The following CDYL2 variants were observed in gnomAD, a reference collection of about 807,000 sequenced individuals.
CDYL2 encodes chromodomain Y-like protein 2.
A neutral mutation model predicts 49.4 loss-of-function variants in CDYL2; 23 were observed. That is an observed-to-expected ratio of 0.47 (90% CI 0.34 to 0.66). The LOEUF (loss-of-function observed/expected upper bound fraction) is 0.66, where lower values mean the gene tolerates loss of function less well. Among genes scored for constraint, CDYL2 ranks in the 30% least tolerant of loss-of-function variants. CDYL2 has a pLI of 0.01. For synonymous variants in CDYL2, 360 were observed against 268.8 expected (o/e 1.34, Z -3.32); for missense variants, 678 against 656.4 (o/e 1.03, Z -0.36).
intron 1 of CDYL2, among the ~76,000 whole-genome samples, chr16:80,716,058 G>C (rs183370539): frequency 6.6e-6 from 1 of 152,170 alleles, no homozygotes; most frequent in Non-Finnish European, 1.5e-5. Flanking sequence ...CTCCTTCATG[G>C]GATCATTATA....
At chr16:80,803,355 C>T (rs1267087663) in intron 1 of CDYL2, among the ~76,000 whole-genome samples, 2 of 152,154 alleles carry the variant, frequency 1.3e-5, no homozygotes, top group African/African-American at 2.4e-5. Flanking sequence ...GAGTACTGGG[C>T]GCTGGGCTGG....
At chr16:80,642,559 C>T (rs1004080289) in intron 2 of CDYL2, among the ~76,000 whole-genome samples, 9 of 152,036 alleles carry the variant, frequency 5.9e-5, no homozygotes, top group South Asian at 2.1e-4. Flanking sequence ...TGAATTAGTC[C>T]GTTTTCACGC....
intron 2 of CDYL2, among the ~76,000 whole-genome samples, chr16:80,681,470 G>C (rs1194587996): frequency 6.6e-6 from 1 of 152,156 alleles, no homozygotes; most frequent in Non-Finnish European, 1.5e-5. Context: ...CTACACCTCT[G>C]GCCTGTTGCT....
chr16:80,731,808 C>A (rs574508829), intron 1 of CDYL2, among the ~76,000 whole-genome samples: 5 of 152,112 alleles, frequency 3.3e-5, no homozygotes, highest in Admixed American at 3.3e-4. Context: ...AACTTTCCAT[C>A]TAACTCTCTG....
chr16:80,659,936 G>C (rs1383389442), intron 2 of CDYL2, among the ~76,000 whole-genome samples: 1 of 151,694 alleles, frequency 6.6e-6, no homozygotes, highest in Non-Finnish European at 1.5e-5. Context: ...GAATTCCATG[G>C]GTAAAGAGTT....
chr16:80,793,599 G>A (rs984865060), intron 1 of CDYL2, among the ~76,000 whole-genome samples: 4 of 152,174 alleles, frequency 2.6e-5, no homozygotes, highest in African/African-American at 9.7e-5. Flanking sequence ...GTCCAGCAAA[G>A]TGCCACAAGC....
At chr16:80,661,240 A>T (rs1455662635) in intron 2 of CDYL2, among the ~76,000 whole-genome samples, 6 of 152,138 alleles carry the variant, frequency 3.9e-5, no homozygotes, top group Admixed American at 3.9e-4. Context: ...GGGATACATT[A>T]TCCATTCTGG....
chr16:80,791,385 A>T (rs1251271425), intron 1 of CDYL2, among the ~76,000 whole-genome samples: 1 of 152,242 alleles, frequency 6.6e-6, no homozygotes, highest in African/African-American at 2.4e-5. Flanking sequence ...TGAGTCTTGC[A>T]CTGTGCTAGG....
intron 1 of CDYL2, among the ~76,000 whole-genome samples, chr16:80,700,060 C>T (rs2142498939): frequency 6.6e-6 from 1 of 152,208 alleles, no homozygotes; most frequent in East Asian, 1.9e-4. Context: ...GGGGTTTCAC[C>T]ATGTTAGCCA....
intron 4 of CDYL2, among the ~76,000 whole-genome samples, chr16:80,620,394 C>T (rs1332205751): frequency 6.6e-6 from 1 of 152,182 alleles, no homozygotes; most frequent in Non-Finnish European, 1.5e-5. Context: ...AGACTCTCCC[C>T]ATCAGGCAAG....
chr16:80,609,705 C>T lies in CDYL2; in HGVS notation c.1219-1470G>A, dbSNP rs1017052559. Among the ~76,000 whole-genome samples the T allele has an allele frequency of 5.3e-5, 8 of 152,246 alleles. 1 individual carries two copies. The South Asian group carries it at 1.2e-3, about 24-fold the overall frequency. ...TTACAAGGCGAGGCCCCCATTCATA[C>T]GGAAAGGCTCCTGGCCACCCCTCAG... On this transcript the variant is annotated intron_variant, in intron 5 of 6. Coordinates refer to ENST00000570137, the MANE Select transcript of CDYL2 (RefSeq NM_152342.4).
intron 1 of CDYL2, among the ~76,000 whole-genome samples, chr16:80,728,687 C>G (rs1246497105): frequency 6.6e-6 from 1 of 152,078 alleles, no homozygotes; most frequent in African/African-American, 2.4e-5. Context: ...ATGTTAAGGG[C>G]AGCCAGAGAG....
At chr16:80,715,216 C>T (rs1345000360) in intron 1 of CDYL2, among the ~76,000 whole-genome samples, 1 of 152,102 alleles carries the variant, frequency 6.6e-6, no homozygotes, top group Non-Finnish European at 1.5e-5. Flanking sequence ...GTGTCTGGCT[C>T]AGGCACTGAC....
At chr16:80,773,268 G>T (rs1336221278) in intron 1 of CDYL2, among the ~76,000 whole-genome samples, 1 of 152,050 alleles carries the variant, frequency 6.6e-6, no homozygotes, top group Non-Finnish European at 1.5e-5. Flanking sequence ...TTATAATTGT[G>T]TATGCACTTA....
At chr16:80,708,267 G>A (rs950239836) in intron 1 of CDYL2, among the ~76,000 whole-genome samples, 3 of 152,214 alleles carry the variant, frequency 2.0e-5, no homozygotes, top group Non-Finnish European at 4.4e-5. Flanking sequence ...GCCAGGTGGA[G>A]ATAACTGAAT....
chr16:80,665,956 A>G (rs1214757434), intron 2 of CDYL2, among the ~76,000 whole-genome samples: 1 of 152,182 alleles, frequency 6.6e-6, no homozygotes, highest in East Asian at 1.9e-4. Context: ...TCCTAGGATC[A>G]ATGAAAAAAC....
intron 1 of CDYL2, among the ~76,000 whole-genome samples, chr16:80,803,565 G>C (rs1289075966): frequency 1.3e-5 from 2 of 151,342 alleles, no homozygotes; most frequent in South Asian, 2.1e-4. Flanking sequence ...CCGGGGAGCG[G>C]TTTGGCGGTT....
chr16:80,730,194 T>C (rs148244244), intron 1 of CDYL2, among the ~76,000 whole-genome samples: 3,028 of 152,070 alleles, frequency 0.02, 26 homozygotes, highest in African/African-American at 0.029. Context: ...ACAAAATTGA[T>C]AGACCGCTAG....
intron 1 of CDYL2, among the ~76,000 whole-genome samples, chr16:80,737,728 A>G (rs565102675): frequency 3.9e-5 from 6 of 152,348 alleles, no homozygotes; most frequent in Non-Finnish European, 5.9e-5. Context: ...TTTCCGATTC[A>G]GTAGGTCTGG....
Sources: allele counts gnomAD v4.1 joint callset (sites outside exome capture counted in the v4.1 genomes callset), GRCh38; gene constraint gnomAD v4.1.1; transcripts MANE v1.5; gene names NCBI Gene and HGNC (gene_info 2026-07-23, HGNC 2026-07-21).